The following NXT2 variants were observed in gnomAD, a reference collection of about 807,000 sequenced individuals.
The protein encoded by NXT2 is NTF2-related export protein 2.
In NXT2, 1 loss-of-function variant was observed where a neutral mutation model predicts 9.6. That is an observed-to-expected ratio of 0.10 (90% CI 0.04 to 0.49). The LOEUF (loss-of-function observed/expected upper bound fraction) is 0.49, where lower values mean the gene tolerates loss of function less well. Among genes scored for constraint, NXT2 ranks in the 20% least tolerant of loss-of-function variants. The probability of loss-of-function intolerance (pLI) is 0.95; values close to 1 mark genes in which losing one functional copy is unlikely to be tolerated. For synonymous variants in NXT2, 22 were observed against 35.4 expected (o/e 0.62, Z 1.34); for missense variants, 48 against 100.3 (o/e 0.48, Z 2.23).
Position 109,541,857 on chromosome X carries a change from G to T in NXT2, c.247+238G>T, listed in dbSNP as rs1203628093. On this transcript the variant is annotated intron_variant, in intron 3 of 3. Transcript: ENST00000372106. ...TATTAAAAGTTGTATGAAAAGTTGA[G>T]ATTAATGTGATTTTTGTAAATGGCA... Among the ~76,000 whole-genome samples the T allele has an allele frequency of 1.6e-4, 18 of 112,059 alleles. No individual in the cohort carries two copies. In the Admixed American group the frequency reaches 1.7e-3, roughly 11 times the overall value.
intron 1 of NXT2, chrX:109,537,498 AC>A (rs1050255493): frequency 2.2e-4 from 102 of 471,040 alleles, no homozygotes; most frequent in Non-Finnish European, 2.6e-4. Context: ...GTGAATATTT[AC>A]GCAATGTGGG....
chrX:109,538,130 G>A lies in NXT2; in HGVS notation c.101G>A (p.Arg34Gln), dbSNP rs779223754. ...IYYETMDKRR[R>Q]ALTRLYLDKA... ...TATGAGACAATGGATAAAAGAAGACGGGTGAGTGTTATAGACTCTACTACT... is the reference window on the plus strand; with the variant it reads ...TATGAGACAATGGATAAAAGAAGACAGGTGAGTGTTATAGACTCTACTACT... Residue 34 changes from arginine to glutamine, a missense_variant and splice_region_variant, in exon 2 of 4, where the codon CGG (arginine) becomes CAG (glutamine). Coordinates refer to ENST00000372106, the MANE Select transcript of NXT2 (RefSeq NM_001242617.2). 8.9e-7 allele frequency: 1 copy of A among 1,123,608 alleles called. No individual in the cohort carries two copies. Among genetic ancestry groups the A allele is most frequent in the South Asian group, 1.8e-5 (1 of 54,768 alleles). The allele number at this position is 1,123,608 out of a possible 1,213,427, so 92.6% of individuals were successfully genotyped here.
At chrX:109,537,286 C>G in intron 1 of NXT2, 2 of 951,971 alleles carry the variant, frequency 2.1e-6, no homozygotes, top group Non-Finnish European at 1.3e-6. Flanking sequence ...TTGTTTATGG[C>G]TTGCAGTTTC....
chrX:109,536,374 G>A (rs1176860733), upstream of NXT2, among the ~76,000 whole-genome samples: 1 of 112,658 alleles, frequency 8.9e-6, no homozygotes, highest in Non-Finnish European at 1.9e-5. Flanking sequence ...TGCCAGAATG[G>A]AGAAACCAGA....
rs769430025 is a variant in NXT2 at position 109,539,758 on chromosome X, T to A, written c.102+1627T>A. The stretch of plus-strand genomic sequence containing the variant: ...GTTTAAGTTCCTGTAGATTTGGAAA[T>A]TAATAGATTGCAAAAATTTTTTCCC... On this transcript the variant is annotated intron_variant, in intron 2 of 3. Coordinates refer to ENST00000372106, the MANE Select transcript of NXT2 (RefSeq NM_001242617.2). Among the ~76,000 whole-genome samples the A allele has an allele frequency of 1.8e-4, 20 of 111,733 alleles. 3 individuals carry two copies. The South Asian group carries it at 2.2e-3, about 12-fold the overall frequency.
chrX:109,542,432 T>A (rs1186276647), intron 3 of NXT2, 75 bp from the exon 4 acceptor site: 8 of 908,585 alleles, frequency 8.8e-6, no homozygotes, highest in Non-Finnish European at 1.2e-5. Flanking sequence ...ATAAACAATG[T>A]ATTTTAAGCC....
At chrX:109,541,761 TC>T in intron 3 of NXT2, 142 bp downstream of exon 3, 1 of 435,607 alleles carries the variant, frequency 2.3e-6, no homozygotes, top group Non-Finnish European at 3.6e-6. Context: ...AATGTAACTG[TC>T]CAGTCAAACT....
Position 109,537,559 on chromosome X carries a change from CGTGT to C in NXT2, c.16-459_16-456del, listed in dbSNP as rs111431650. The C allele has an allele frequency of 5.5e-3, 665 of 120,435 alleles. 4 individuals are homozygous for C. Among genetic ancestry groups the C allele is most frequent in the African/African-American group, 0.018 (523 of 28,570 alleles). The allele number at this position is 120,435 out of a possible 1,213,427, so 9.9% of individuals were successfully genotyped here. A position where few individuals can be genotyped will look rare whatever the true frequency, so the allele number is the denominator to read the frequency against. The stretch of plus-strand genomic sequence containing the variant: ...GTTTTTCAAGTAGTTGAACTACTTT[CGTGT>C]GTGTGTGTGTGTGTGTGTGTGTGTG... On this transcript the variant is annotated intron_variant, in intron 1 of 3. Transcript: ENST00000372106.
At chrX:109,537,062 T>C in intron 1 of NXT2, 41 bp downstream of exon 1, 1 of 1,189,570 alleles carries the variant, frequency 8.4e-7, no homozygotes, top group African/African-American at 1.7e-5. Context: ...GGCGCCGGAC[T>C]CCAGTGGCTG....
At chrX:109,535,965 C>T, upstream of NXT2, 1 of 1,194,096 alleles carries the variant, frequency 8.4e-7, no homozygotes, top group Admixed American at 2.2e-5. Context: ...GGGCCACACA[C>T]CAGCCACTCA....
chrX:109,543,427 T>C lies in NXT2; in HGVS notation c.*739T>C, dbSNP rs1933460835. On this transcript the variant is annotated 3_prime_UTR_variant, in exon 4 of 4. Coordinates refer to ENST00000372106, the MANE Select transcript of NXT2 (RefSeq NM_001242617.2). ...TGAATGGTAGTAGAACTAATAGCTT[T>C]AACAGGAGAATAGGGAATGAGAAAT... 8.9e-6 allele frequency: 1 copy of C among 111,807 alleles called. No individual in the cohort carries two copies. The highest frequency in any genetic ancestry group is 1.9e-5 in the Non-Finnish European group (1 of 52,976). 9.2% of individuals were successfully genotyped at this position (111,807 alleles called of 1,213,427 possible).
intron 1 of NXT2, 72 bp downstream of exon 1, chrX:109,537,093 G>T (rs1933294344): frequency 8.7e-7 from 1 of 1,153,965 alleles, no homozygotes; most frequent in African/African-American, 1.8e-5. Context: ...TTCCGGGGCG[G>T]TCTGGCTGCT....
chrX:109,537,451 T>TGCTTTCTTCGGTGTCACAGTTCTGTTG, intron 1 of NXT2: 3 of 672,360 alleles, frequency 4.5e-6, no homozygotes, highest in South Asian at 1.5e-4. Context: ...CCAACAGCGT[T>TGCTTTCTTCGGTGTCACAGTTCTGTTG]GCTTTCTTCG....
intron 1 of NXT2, chrX:109,537,394 G>A: frequency 1.3e-6 from 1 of 785,204 alleles, no homozygotes; most frequent in Non-Finnish European, 1.5e-6. Context: ...ACTGGGCCCC[G>A]TACATGAATG....
Position 109,542,676 on chromosome X carries a change from G to A in NXT2, c.417G>A (p.Trp139Ter). 8.5e-7 allele frequency: 1 copy of A among 1,178,701 alleles called. No homozygotes were observed. The highest frequency in any genetic ancestry group is 2.3e-5 in the Admixed American group (1 of 42,917). ...IASDCFRFQD[W>*]SSS ...GTGATTGCTTCCGTTTTCAAGATTGGTCTAGTAGTTAAAGGGGCAAAAGTC... is the reference window on the plus strand; with the variant it reads ...GTGATTGCTTCCGTTTTCAAGATTGATCTAGTAGTTAAAGGGGCAAAAGTC... Residue 139 changes from tryptophan (W) to a stop codon, truncating the protein, a stop_gained, in exon 4 of 4, where the codon TGG (tryptophan) becomes TGA (stop). Coordinates refer to ENST00000372106, the MANE Select transcript of NXT2 (RefSeq NM_001242617.2). LOFTEE classifies it high-confidence loss of function.
chrX:109,540,364 G>A (rs1933390482), intron 2 of NXT2, among the ~76,000 whole-genome samples: 1 of 108,837 alleles, frequency 9.2e-6, no homozygotes, highest in Admixed American at 9.8e-5. Flanking sequence ...GTCTCACTCT[G>A]TCACCCAGGT....
At chrX:109,537,269 G>T in intron 1 of NXT2, 1 of 988,465 alleles carries the variant, frequency 1.0e-6, no homozygotes, top group Non-Finnish European at 1.3e-6. Flanking sequence ...GGGGATGTTG[G>T]GGTTTGTTGT....
chrX:109,544,474 A>C lies in NXT2; in HGVS notation c.*1786A>C, dbSNP rs1326463527. 1.8e-5 allele frequency: 2 copies of C among 112,749 alleles called. No homozygotes were observed. The highest frequency in any genetic ancestry group is 6.4e-5 in the African/African-American group (2 of 31,016). 9.3% of individuals were successfully genotyped at this position (112,749 alleles called of 1,213,427 possible). On this transcript the variant is annotated 3_prime_UTR_variant, in exon 4 of 4. Transcript: ENST00000372106. ...TGTCCTTTCCCTTACAGAGAAGAACAATGGTAACTAAAAGCTGCATATAAC... is the reference window on the plus strand; with the variant it reads ...TGTCCTTTCCCTTACAGAGAAGAACCATGGTAACTAAAAGCTGCATATAAC...
chrX:109,542,718 A>G lies in NXT2; in HGVS notation c.*30A>G, dbSNP rs893832216. The stretch of plus-strand genomic sequence containing the variant: ...GCAAAAGTCCATTCTCATTTGGTCC[A>G]TTAGTTCCAGCAATTGAAATTTATG... On this transcript the variant is annotated 3_prime_UTR_variant, in exon 4 of 4. Coordinates refer to ENST00000372106, the MANE Select transcript of NXT2 (RefSeq NM_001242617.2). The G allele has an allele frequency of 5.9e-6, 6 of 1,018,264 alleles. No individual in the cohort carries two copies. In the African/African-American group the frequency reaches 1.2e-4, roughly 20 times the overall value. 83.9% of individuals were successfully genotyped at this position (1,018,264 alleles called of 1,213,427 possible).
Sources: allele counts gnomAD v4.1 joint callset (sites outside exome capture counted in the v4.1 genomes callset), GRCh38; gene constraint gnomAD v4.1.1; transcripts MANE v1.5; gene names NCBI Gene and HGNC (gene_info 2026-07-23, HGNC 2026-07-21).